The following NEK11 variants were observed in gnomAD, a reference collection of about 807,000 sequenced individuals.
The protein encoded by NEK11 is serine/threonine-protein kinase Nek11.
Under a neutral mutation model 80.7 loss-of-function variants are expected in NEK11, and 72 were observed. That is an observed-to-expected ratio of 0.89 (90% confidence interval 0.74 to 1.08). The LOEUF is 1.08. Ranked by LOEUF, NEK11 falls within the 50% of genes least tolerant of loss-of-function variation. The pLI is 0.00. For synonymous variants in NEK11, 251 were observed against 260.7 expected (o/e 0.96, Z 0.36); for missense variants, 764 against 763.6 (o/e 1.00, Z -0.01).
chr3:131,159,980 A>T lies in NEK11; in HGVS notation c.963-2428A>T, dbSNP rs547463787. Reference sequence around the variant, plus strand: ...GGAAAATTGAAGCAATTTGGAAAACACAGAAATACATTGCATAGAAACATA... The same window carrying T: ...GGAAAATTGAAGCAATTTGGAAAACTCAGAAATACATTGCATAGAAACATA... On this transcript the variant is annotated intron_variant, in intron 10 of 17. Coordinates refer to ENST00000383366, the MANE Select transcript of NEK11 (RefSeq NM_024800.5). Among the ~76,000 whole-genome samples the T allele has an allele frequency of 2.0e-5, 3 of 152,350 alleles. No individual in the cohort carries two copies. The South Asian group carries it at 6.2e-4, about 32-fold the overall frequency.
intron 3 of NEK11, among the ~76,000 whole-genome samples, chr3:131,059,177 A>G (rs2070307936): frequency 6.6e-6 from 1 of 152,086 alleles, no homozygotes; most frequent in Non-Finnish European, 1.5e-5. Context: ...TAGCTAATCA[A>G]AACTACTATG....
intron 7 of NEK11, among the ~76,000 whole-genome samples, chr3:131,139,888 A>G (rs1267255385): frequency 6.6e-6 from 1 of 152,200 alleles, no homozygotes; most frequent in Non-Finnish European, 1.5e-5. Context: ...AGCGAGGAGC[A>G]TCAGGGGCGA....
chr3:131,044,650 T>TTA (rs2067106081), intron 3 of NEK11, among the ~76,000 whole-genome samples: 1 of 152,034 alleles, frequency 6.6e-6, no homozygotes, highest in Non-Finnish European at 1.5e-5. Flanking sequence ...CCAAGGGACT[T>TTA]AGACTCCCAC....
intron 3 of NEK11, among the ~76,000 whole-genome samples, chr3:131,050,998 A>C (rs1369032438): frequency 6.6e-6 from 1 of 152,254 alleles, no homozygotes; most frequent in Non-Finnish European, 1.5e-5. Flanking sequence ...GCACCACAGC[A>C]TCCCATCCTA....
chr3:131,172,927 T>C lies in NEK11; in HGVS notation c.1399+2040T>C, dbSNP rs566855363. 4.6e-5 allele frequency among the ~76,000 whole-genome samples: 7 copies of C among 152,330 alleles called. No homozygotes were observed. The East Asian group carries it at 1.2e-3, about 25-fold the overall frequency. ...CTGGTCATCCTCATTGCTCATTATA[T>C]GTAAATTATAATGCATTAGCATGCT... On this transcript the variant is annotated intron_variant, in intron 14 of 17. Coordinates refer to ENST00000383366, the MANE Select transcript of NEK11 (RefSeq NM_024800.5).
At chr3:131,066,567 C>T (rs950143579) in intron 3 of NEK11, among the ~76,000 whole-genome samples, 3 of 152,004 alleles carry the variant, frequency 2.0e-5, no homozygotes, top group Non-Finnish European at 4.4e-5. Flanking sequence ...CGGTGGCTCA[C>T]GCCTGTCTGT....
In NEK11 at chr3:131,349,820, G is replaced by A. The variant is rs2097427634; in HGVS notation, c.*44G>A. The stretch of plus-strand genomic sequence containing the variant: ...CAGAAGTTCAAGTGGACAAATTTAT[G>A]TGAAAATTCATTTAACATATAAGCT... On this transcript the variant is annotated 3_prime_UTR_variant, in exon 18 of 18. Coordinates refer to ENST00000383366, the MANE Select transcript of NEK11 (RefSeq NM_024800.5). The A allele has an allele frequency of 1.4e-6, 2 of 1,451,256 alleles. No homozygotes were observed. The highest frequency in any genetic ancestry group is 1.2e-5 in the South Asian group (1 of 86,444). 89.9% of individuals were successfully genotyped at this position (1,451,256 alleles called of 1,614,324 possible). A position where few individuals can be genotyped will look rare whatever the true frequency, so the allele number is the denominator to read the frequency against.
At chr3:131,205,911 C>A (rs965438133) in intron 14 of NEK11, among the ~76,000 whole-genome samples, 4 of 152,042 alleles carry the variant, frequency 2.6e-5, no homozygotes, top group African/African-American at 9.7e-5. Context: ...TCAGTTTTTC[C>A]TGAATTAGGC....
At chr3:131,292,757 CTTTGA>C (rs2096557005) in intron 17 of NEK11, among the ~76,000 whole-genome samples, 1 of 152,012 alleles carries the variant, frequency 6.6e-6, no homozygotes, top group Admixed American at 6.6e-5. Context: ...TTTAGTTCTT[CTTTGA>C]TTTATTTCAT....
intron 3 of NEK11, among the ~76,000 whole-genome samples, chr3:131,061,148 G>T (rs942794672): frequency 2.6e-5 from 4 of 152,090 alleles, no homozygotes; most frequent in Admixed American, 6.6e-5. Context: ...AAGATCCTGG[G>T]GGTCCTGTTT....
At chr3:131,157,264 T>G (rs1362940278) in intron 10 of NEK11, among the ~76,000 whole-genome samples, 1 of 152,178 alleles carries the variant, frequency 6.6e-6, no homozygotes, top group Non-Finnish European at 1.5e-5. Context: ...ACATTAATTT[T>G]GACTTTTTAA....
chr3:131,200,248 A>G (rs1580048932), intron 14 of NEK11, among the ~76,000 whole-genome samples: 1 of 152,230 alleles, frequency 6.6e-6, no homozygotes, highest in African/African-American at 2.4e-5. Flanking sequence ...TTCATAGAGT[A>G]AATCAAGGTA....
chr3:131,188,598 C>A (rs1213803391), intron 14 of NEK11, among the ~76,000 whole-genome samples: 2 of 152,128 alleles, frequency 1.3e-5, no homozygotes, highest in Non-Finnish European at 2.9e-5. Flanking sequence ...TATCCTTGCA[C>A]TTTTCAATCC....
chr3:131,181,700 C>T (rs868800739), intron 14 of NEK11, among the ~76,000 whole-genome samples: 9 of 141,608 alleles, frequency 6.4e-5, no homozygotes, highest in African/African-American at 1.1e-4. Context: ...GAGCTGAGAT[C>T]GCACCACTGC....
At position 131,032,799 on chromosome 3, in the gene NEK11, C is replaced by G. The variant is rs16835587; in HGVS notation, c.170+2921C>G. The stretch of plus-strand genomic sequence containing the variant: ...TATATAAGATTTAGATGTCACATTG[C>G]CTTGCTCATAATTATTCCTCAAAAA... On this transcript the variant is annotated intron_variant, in intron 3 of 17. Transcript: ENST00000383366. Among the ~76,000 whole-genome samples the G allele has an allele frequency of 0.016, 2,452 of 152,234 alleles. 191 individuals are homozygous for G. In the East Asian group the frequency reaches 0.23, roughly 14 times the overall value.
chr3:131,155,232 C>A, intron 10 of NEK11, 111 bp downstream of exon 10: 1 of 695,610 alleles, frequency 1.4e-6, no homozygotes, highest in Non-Finnish European at 2.4e-6. Flanking sequence ...CTAGAATTCA[C>A]TTAAGTCTTG....
intron 5 of NEK11, among the ~76,000 whole-genome samples, chr3:131,118,175 G>T (rs2081634490): frequency 6.6e-6 from 1 of 151,932 alleles, no homozygotes; most frequent in Non-Finnish European, 1.5e-5. Flanking sequence ...TGAGAGTTTT[G>T]GGTATGAAGG....
intron 16 of NEK11, among the ~76,000 whole-genome samples, chr3:131,244,114 A>G (rs1262248248): frequency 1.3e-5 from 2 of 151,936 alleles, no homozygotes; most frequent in African/African-American, 4.8e-5. Context: ...TTTCTTCTAA[A>G]TTTGATTACA....
chr3:131,277,202 T>A (rs1217007261), intron 17 of NEK11, among the ~76,000 whole-genome samples: 1 of 152,242 alleles, frequency 6.6e-6, no homozygotes, highest in African/African-American at 2.4e-5. Context: ...ACCCAACCAG[T>A]TTAACAGTTA....
Sources: gnomAD v4.1 joint callset for allele counts (sites outside exome capture counted in the v4.1 genomes callset) on GRCh38, gnomAD v4.1.1 for gene constraint, MANE v1.5 for transcripts, NCBI Gene and HGNC (gene_info 2026-07-23, HGNC 2026-07-21) for gene names.